Variants in NLRP1 observed in about 807,000 individuals in gnomAD.
NLRP1 encodes the protein NLR family pyrin domain containing 1, also known as NACHT, LRR and PYD domains-containing protein 1.
Under a neutral mutation model 136.7 loss-of-function variants are expected in NLRP1, and 94 were observed. That is an observed-to-expected ratio of 0.69 (90% CI 0.58 to 0.82). NLRP1 has a LOEUF of 0.82. Ranked by LOEUF, NLRP1 falls within the 40% of genes least tolerant of loss-of-function variation. The probability of loss-of-function intolerance (pLI) is 0.00; values close to 1 mark genes in which losing one functional copy is unlikely to be tolerated. For synonymous variants in NLRP1, 690 were observed against 725.1 expected, an observed-to-expected ratio of 0.95 and a Z score of 0.78; for missense variants, 1,575 against 1,802.7, an observed-to-expected ratio of 0.87 and a Z score of 2.29.
chr17:5,533,551 G>GTTTTT (rs35006823), intron 9 of NLRP1, among the ~76,000 whole-genome samples, 167 bp from the exon 10 acceptor site: 3 of 90,018 alleles, frequency 3.3e-5, no homozygotes, highest in African/African-American at 4.4e-5. Flanking sequence ...GTGAGACTCT[G>GTTTTT]TTTTTTTTTT....
intron 5 of NLRP1, among the ~76,000 whole-genome samples, chr17:5,552,562 A>AG (rs1203752909): frequency 6.6e-6 from 1 of 152,152 alleles, no homozygotes; most frequent in Non-Finnish European, 1.5e-5. Flanking sequence ...ATCTTGATGA[A>AG]GATGCCACTA....
rs368666276 is a variant in NLRP1 at position 5,539,396 on chromosome 17, G to A, written c.2870+19C>T. 13 of 1,602,904 alleles carry A rather than the reference G, an allele frequency of 8.1e-6. No homozygotes were observed. The highest frequency in any genetic ancestry group is 1.1e-5 in the Non-Finnish European group (13 of 1,174,782). On this transcript the variant is annotated intron_variant, in intron 7 of 16. Coordinates refer to ENST00000572272, the MANE Select transcript of NLRP1 (RefSeq NM_033004.4). The stretch of plus-strand genomic sequence containing the variant: ...CCAACCCTCTTCCCTCTGCCCAGAA[G>A]GGACCCACAGGGCCTTACCCCAGGC...
downstream of NLRP1, among the ~76,000 whole-genome samples, chr17:5,513,340 C>G (rs770768030): frequency 6.6e-6 from 1 of 152,178 alleles, no homozygotes. Flanking sequence ...GATCCTCCTG[C>G]CTTGGCCTCC....
chr17:5,512,956 C>T (rs1241946021), downstream of NLRP1, among the ~76,000 whole-genome samples: 1 of 152,140 alleles, frequency 6.6e-6, no homozygotes, highest in Non-Finnish European at 1.5e-5. Context: ...TCCTGTGTCA[C>T]CCCCAGCTTA....
chr17:5,512,937 C>T (rs1424035319), downstream of NLRP1, among the ~76,000 whole-genome samples: 1 of 152,200 alleles, frequency 6.6e-6, no homozygotes, highest in African/African-American at 2.4e-5. Context: ...GAAGCCAGTC[C>T]TGCCCACCTC....
intron 3 of NLRP1, among the ~76,000 whole-genome samples, chr17:5,570,871 T>C (rs1201065298): frequency 6.6e-6 from 1 of 152,256 alleles, no homozygotes; most frequent in East Asian, 1.9e-4. Flanking sequence ...AGCAAAATAC[T>C]AGCAAACTGA....
chr17:5,539,328 A>C, intron 7 of NLRP1, 87 bp downstream of exon 7: 2 of 1,286,652 alleles, frequency 1.6e-6, no homozygotes, highest in Non-Finnish European at 2.1e-6. Context: ...TGGGTTGGCT[A>C]TGCATTTATC....
intron 15 of NLRP1, 36 bp downstream of exon 15, chr17:5,517,710 C>T: frequency 5.6e-6 from 9 of 1,612,124 alleles, no homozygotes; most frequent in Non-Finnish European, 7.6e-6. Context: ...CTTTCTCCTC[C>T]CACCTCTGAG....
At chr17:5,581,549 C>G (rs1905647656) in intron 3 of NLRP1, among the ~76,000 whole-genome samples, 1 of 152,298 alleles carries the variant, frequency 6.6e-6, no homozygotes, top group Admixed American at 6.5e-5. Context: ...GAACCCAGCT[C>G]TCCTGACCCC....
At chr17:5,550,135 G>A (rs1913150845) in intron 5 of NLRP1, among the ~76,000 whole-genome samples, 1 of 103,680 alleles carries the variant, frequency 9.6e-6, no homozygotes, top group Non-Finnish European at 2.1e-5. Flanking sequence ...ATGTTGGCCT[G>A]CAGATTTTTT....
chr17:5,510,668 A>G (rs761103598), downstream of NLRP1, among the ~76,000 whole-genome samples: 2 of 151,786 alleles, frequency 1.3e-5, no homozygotes, highest in African/African-American at 2.4e-5. Context: ...CATCTGGCCA[A>G]AAAAATGAAA....
chr17:5,506,131 A>G (rs909776922), intron 15 of NLRP1, among the ~76,000 whole-genome samples: 1 of 151,962 alleles, frequency 6.6e-6, no homozygotes, highest in Admixed American at 6.6e-5. Flanking sequence ...TTCAAAATAC[A>G]AAATTAGCTG....
rs905662901 is a variant in NLRP1, at chr17:5,583,337, G to A, written c.271+350C>T. Reference sequence around the variant, plus strand: ...CTCTCACTCTCCCATTTTGCAGACAGAGAAATAGGCAGAGAGCAGTGAAGT... The same window carrying A: ...CTCTCACTCTCCCATTTTGCAGACAAAGAAATAGGCAGAGAGCAGTGAAGT... On this transcript the variant is annotated intron_variant, in intron 1 of 16. Transcript: ENST00000572272. This position sits in a 1 kb window ranked among gnomAD's most constrained non-coding sequence, Gnocchi z 4.5. 3.6e-4 allele frequency among the ~76,000 whole-genome samples: 55 copies of A among 152,200 alleles called. No individual in the cohort carries two copies. The highest frequency in any genetic ancestry group is 1.5e-4 in the Non-Finnish European group (10 of 68,038).
At position 5,521,893 on chromosome 17, in the gene NLRP1, C is replaced by T. The variant is rs199476213; in HGVS notation, c.3521-107G>A. ...AGGCTGGAGTGCAATGGTACAATCT[C>T]GGCTCACTGCAACCTCCGCCTCCTG... On this transcript the variant is annotated intron_variant, in intron 12 of 16. Coordinates refer to ENST00000572272, the MANE Select transcript of NLRP1 (RefSeq NM_033004.4). The T allele has an allele frequency of 1.9e-4, 216 of 1,121,506 alleles. No individual in the cohort carries two copies. The East Asian group carries it at 4.4e-3, about 23-fold the overall frequency. The allele number at this position is 1,121,506 out of a possible 1,614,324, so 69.5% of individuals were successfully genotyped here. A position where few individuals can be genotyped will look rare whatever the true frequency, so the allele number is the denominator to read the frequency against.
chr17:5,516,328 G>C (rs1431902495), intron 15 of NLRP1, among the ~76,000 whole-genome samples: 1 of 152,160 alleles, frequency 6.6e-6, no homozygotes, highest in Admixed American at 6.5e-5. Flanking sequence ...ATCTACTGAG[G>C]GAGGTGACTG....
intron 14 of NLRP1, among the ~76,000 whole-genome samples, chr17:5,520,328 G>A (rs1335680753): frequency 6.6e-6 from 1 of 152,144 alleles, no homozygotes; most frequent in East Asian, 1.9e-4. Context: ...ATCTGGAGGC[G>A]TCAAGCTTGC....
At position 5,584,339 on chromosome 17, in the gene NLRP1, T is replaced by G; in HGVS notation, c.-382A>C. ...TTCCCTCTCCTGGGTCCTGGACTCC[T>G]GAGATCAACCCTTGAGCTGCAAGGC... On this transcript the variant is annotated 5_prime_UTR_variant, in exon 1 of 17. Coordinates refer to ENST00000572272, the MANE Select transcript of NLRP1 (RefSeq NM_033004.4). 1 of 246,232 alleles carries G rather than the reference T, an allele frequency of 4.1e-6. No individual in the cohort carries two copies. Among genetic ancestry groups the G allele is most frequent in the Non-Finnish European group, 8.0e-6 (1 of 124,312 alleles). 15.3% of individuals were successfully genotyped at this position (246,232 alleles called of 1,614,324 possible).
intron 14 of NLRP1, among the ~76,000 whole-genome samples, chr17:5,519,773 C>G (rs937812943): frequency 1.3e-5 from 2 of 149,788 alleles, no homozygotes; most frequent in Non-Finnish European, 3.0e-5. Flanking sequence ...ACTTGTCTCT[C>G]TGCTTTCACT....
At chr17:5,508,871 T>C (rs540868518) in intron 15 of NLRP1, among the ~76,000 whole-genome samples, 8 of 152,340 alleles carry the variant, frequency 5.3e-5, no homozygotes, top group African/African-American at 1.7e-4. Context: ...AATGAGATCA[T>C]GGGGTGACTT....
Sources: gnomAD v4.1 joint callset for allele counts (sites outside exome capture counted in the v4.1 genomes callset) on GRCh38, gnomAD v4.1.1 for gene constraint, Gnocchi (gnomAD v3.1) non-coding constraint, MANE v1.5 for transcripts, NCBI Gene and HGNC (gene_info 2026-07-23, HGNC 2026-07-21) for gene names.